Variants in EFNB2 observed in about 807,000 individuals in gnomAD.
EFNB2 encodes the protein ephrin B2, also known as ephrin-B2.
Under a neutral mutation model 32.1 loss-of-function variants are expected in EFNB2, and 5 were observed. The observed-to-expected ratio is 0.16, with a 90% CI of 0.08 to 0.33. The LOEUF is 0.33. Ranked by LOEUF, EFNB2 falls within the 10% of genes least tolerant of loss-of-function variation. The pLI, the probability that EFNB2 is intolerant of heterozygous loss-of-function variation, is 1.00. For missense variants in EFNB2, 263 were observed against 422.6 expected (o/e 0.62, Z 3.31); for synonymous variants, 168 against 166.5 (o/e 1.01, Z -0.07).
At chr13:106,495,135 A>C (rs1878546039) in intron 3 of EFNB2, 141 bp from the exon 4 acceptor site, 2 of 666,584 alleles carry the variant, frequency 3.0e-6, no homozygotes, top group Admixed American at 5.7e-5. Context: ...ACAAGAATAT[A>C]ATTTTTCTTT....
At position 106,534,854 on chromosome 13, in the gene EFNB2, G is replaced by A. The variant is rs1880010218; in HGVS notation, c.111C>T (p.Ser37=). ...CGGACGCCACTTACTTGGAGTTCGA[G>A]GAATTCCAATAGATAGGCTCTAAAA... is the stretch of plus-strand genomic sequence containing the variant. The part of the protein sequence containing the change: ...SIVLEPIYWN[S]SNSKFLPGQG... The change falls in exon 1 of 5, where the codon TCC becomes TCT. Residue 37 remains serine (S), a synonymous_variant. Coordinates refer to ENST00000646441, the MANE Select transcript of EFNB2 (RefSeq NM_004093.4). 1 of 1,612,022 alleles carries A rather than the reference G, an allele frequency of 6.2e-7. No homozygotes were observed. Among genetic ancestry groups the A allele is most frequent in the Non-Finnish European group, 8.5e-7 (1 of 1,179,034 alleles).
At chr13:106,516,605 T>C (rs1275262688) in intron 1 of EFNB2, 1 of 152,208 alleles carries the variant, frequency 6.6e-6, no homozygotes, top group Non-Finnish European at 1.5e-5. Flanking sequence ...AACACATTTT[T>C]TTCCCCCAAA....
chr13:106,489,890 A>C lies in EFNB2; in HGVS notation c.*3150T>G, dbSNP rs533832266. ...ATTTAAAACCTATGACAGGCTATTA[A>C]AATAAAACAAAGAAAGAAAAAAATA... On this transcript the variant is annotated 3_prime_UTR_variant, in exon 5 of 5. Coordinates refer to ENST00000646441, the MANE Select transcript of EFNB2 (RefSeq NM_004093.4). The C allele has an allele frequency of 6.5e-6, 1 of 152,756 alleles. No individual in the cohort carries two copies. The highest frequency in any genetic ancestry group is 2.1e-4 in the South Asian group (1 of 4,828). 9.5% of individuals were successfully genotyped at this position (152,756 alleles called of 1,614,324 possible). A position where few individuals can be genotyped will look rare whatever the true frequency, so the allele number is the denominator to read the frequency against.
chr13:106,534,316 C>T (rs1378134629), intron 1 of EFNB2, among the ~76,000 whole-genome samples: 2 of 152,158 alleles, frequency 1.3e-5, no homozygotes, highest in Admixed American at 1.3e-4. Context: ...CAAGGCGCCC[C>T]GGCTCCAGGG....
intron 1 of EFNB2, among the ~76,000 whole-genome samples, chr13:106,534,292 T>TGGCGGCGCGGTGCCA (rs1238671680): frequency 6.6e-6 from 1 of 152,164 alleles, no homozygotes; most frequent in Non-Finnish European, 1.5e-5. Context: ...ACCCTCGGGC[T>TGGCGGCGCGGTGCCA]GGCGGCGCGG....
At chr13:106,534,385 C>G (rs905972199) in intron 1 of EFNB2, among the ~76,000 whole-genome samples, 1 of 152,174 alleles carries the variant, frequency 6.6e-6, no homozygotes, top group African/African-American at 2.4e-5. Context: ...TCGCTGCCAG[C>G]GTCCTGCCAC....
chr13:106,512,256 A>G (rs1035639690), intron 2 of EFNB2, among the ~76,000 whole-genome samples: 1 of 152,042 alleles, frequency 6.6e-6, no homozygotes, highest in African/African-American at 2.4e-5. Flanking sequence ...AGAGATGCTG[A>G]ATATATTCAT....
Position 106,491,006 on chromosome 13 carries a change from T to C in EFNB2, c.*2034A>G, listed in dbSNP as rs1363263724. The C allele has an allele frequency of 4.6e-5, 7 of 152,568 alleles. No individual in the cohort carries two copies. Among genetic ancestry groups the C allele is most frequent in the African/African-American group, 1.7e-4 (7 of 41,416 alleles). 9.5% of individuals were successfully genotyped at this position (152,568 alleles called of 1,614,324 possible). A position where few individuals can be genotyped will look rare whatever the true frequency, so the allele number is the denominator to read the frequency against. On this transcript the variant is annotated 3_prime_UTR_variant, in exon 5 of 5. Transcript: ENST00000646441. The stretch of plus-strand genomic sequence containing the variant: ...CATAGTAACAGGACTATGTTAAAGA[T>C]GTCTATTTTGCATAGCACATAAAAA...
At chr13:106,494,667 A>G (rs1319202634) in intron 4 of EFNB2, among the ~76,000 whole-genome samples, 1 of 152,074 alleles carries the variant, frequency 6.6e-6, no homozygotes, top group Non-Finnish European at 1.5e-5. Context: ...CATGAACTCT[A>G]CTCCTTTGAA....
Position 106,491,135 on chromosome 13 carries a change from G to C in EFNB2, c.*1905C>G, listed in dbSNP as rs1878389060. On this transcript the variant is annotated 3_prime_UTR_variant, in exon 5 of 5. Transcript: ENST00000646441. ...AATCGTCACCTGAAGCCCCCAGTGT[G>C]ACCTGCTGGATTCTAGAGAACACTT... 6.6e-6 allele frequency: 1 copy of C among 152,634 alleles called. No individual in the cohort carries two copies. The allele number at this position is 152,634 out of a possible 1,614,324, so 9.5% of individuals were successfully genotyped here.
rs11069645 is a variant in EFNB2 at position 106,501,128 on chromosome 13, T to A, written c.407-5288A>T. Among the ~76,000 whole-genome samples, 234 of 152,356 alleles carry A rather than the reference T, an allele frequency of 1.5e-3. 1 individual carries two copies. The highest frequency in any genetic ancestry group is 5.4e-3 in the African/African-American group (224 of 41,594). Reference sequence around the variant, plus strand: ...ACTCTAGAAACAAGAATTCAATTTCTGAAACTCAAATTAATGTAGTTGAAT... The same window carrying A: ...ACTCTAGAAACAAGAATTCAATTTCAGAAACTCAAATTAATGTAGTTGAAT... On this transcript the variant is annotated intron_variant, in intron 2 of 4. Coordinates refer to ENST00000646441, the MANE Select transcript of EFNB2 (RefSeq NM_004093.4).
At chr13:106,522,533 G>A (rs1470024399) in intron 1 of EFNB2, among the ~76,000 whole-genome samples, 1 of 152,158 alleles carries the variant, frequency 6.6e-6, no homozygotes, top group Non-Finnish European at 1.5e-5. Context: ...AAAGGCTCAC[G>A]TAAGTCATAC....
In EFNB2 at chr13:106,493,395, G is replaced by A. The variant is rs372295978; in HGVS notation, c.647C>T (p.Ser216Leu). Residue 216 changes from serine to leucine, a missense_variant, in exon 5 of 5, where the codon TCG (serine) becomes TTG (leucine). Transcript: ENST00000646441. The surrounding 1 kb of genome is among the most constrained non-coding windows in gnomAD (Gnocchi z 6.1). ...SSTDGNSAGH[S>L]GNNILGSEVA... ...TTCGGAACCGAGGATGTTGTTCCCC[G>A]AATGTCCGGCGCTGTTGCCGTCTGT... is the stretch of plus-strand genomic sequence containing the variant. The A allele has an allele frequency of 2.9e-5, 47 of 1,613,642 alleles. No homozygotes were observed. The African/African-American group carries it at 3.5e-4, about 12-fold the overall frequency.
chr13:106,500,666 CA>C (rs1432821091), intron 2 of EFNB2, among the ~76,000 whole-genome samples: 5 of 152,194 alleles, frequency 3.3e-5, no homozygotes, highest in Non-Finnish European at 7.3e-5. Flanking sequence ...AACCACAAAA[CA>C]AGTAGCATTT....
At chr13:106,506,100 G>A (rs1373083412) in intron 2 of EFNB2, 1 of 152,150 alleles carries the variant, frequency 6.6e-6, no homozygotes, top group African/African-American at 2.4e-5. Flanking sequence ...GAGTCTCACT[G>A]ACACACACTG....
At chr13:106,500,269 C>T (rs1878730283) in intron 2 of EFNB2, among the ~76,000 whole-genome samples, 1 of 152,198 alleles carries the variant, frequency 6.6e-6, no homozygotes, top group Non-Finnish European at 1.5e-5. Flanking sequence ...CACCACATTG[C>T]TAACAGTGTG....
chr13:106,516,927 G>A (rs1220511247), intron 1 of EFNB2: 1 of 152,158 alleles, frequency 6.6e-6, no homozygotes, highest in Non-Finnish European at 1.5e-5. Flanking sequence ...AGAAAATGGG[G>A]TGAGTTTCCT....
chr13:106,531,249 C>T (rs1879860784), intron 1 of EFNB2, among the ~76,000 whole-genome samples: 1 of 152,204 alleles, frequency 6.6e-6, no homozygotes, highest in Non-Finnish European at 1.5e-5. Flanking sequence ...AATAAATTCT[C>T]ATCTGAAAAG....
rs547912236 is a variant in EFNB2 at position 106,499,585 on chromosome 13, G to A, written c.407-3745C>T. On this transcript the variant is annotated intron_variant, in intron 2 of 4. Coordinates refer to ENST00000646441, the MANE Select transcript of EFNB2 (RefSeq NM_004093.4). ...TTTTTCTTTGTATCTTTCTATCAGC[G>A]TGATCTAATGCAGCCACAATCATAG... Among the ~76,000 whole-genome samples the A allele has an allele frequency of 8.5e-5, 13 of 152,158 alleles. No homozygotes were observed. In the East Asian group the frequency reaches 1.2e-3, roughly 14 times the overall value.
Sources: allele counts gnomAD v4.1 joint callset (sites outside exome capture counted in the v4.1 genomes callset), GRCh38; gene constraint gnomAD v4.1.1; non-coding constraint Gnocchi (gnomAD v3.1); transcripts MANE v1.5; gene names NCBI Gene and HGNC (gene_info 2026-07-23, HGNC 2026-07-21).